Variants in ILRUN observed in about 807,000 individuals in gnomAD.
ILRUN encodes the protein inflammation and lipid regulator with UBA-like and NBR1-like domains.
Under a neutral mutation model 33.8 loss-of-function variants are expected in ILRUN, and 3 were observed. The observed-to-expected ratio is 0.09, with a 90% CI of 0.04 to 0.23. The LOEUF is 0.23. Ranked by LOEUF, ILRUN falls within the 10% of genes least tolerant of loss-of-function variation. The pLI is 1.00. For synonymous variants in ILRUN, 124 were observed against 138.9 expected (o/e 0.89, Z 0.75); for missense variants, 210 against 375.1 (o/e 0.56, Z 3.64).
chr6:34,693,069 C>A (rs1763679499), intron 1 of ILRUN, among the ~76,000 whole-genome samples: 1 of 151,490 alleles, frequency 6.6e-6, no homozygotes, highest in African/African-American at 2.4e-5. Flanking sequence ...CAGAATGAGA[C>A]CCTGTCTCAA....
At position 34,597,633 on chromosome 6, in the gene ILRUN, A is replaced by G. The variant is rs1761428763; in HGVS notation, c.862-7033T>C. ...GGCTAGTGGATTAAGGGAAGACAGTAAGTTGTCTCTCTCCTTCTTGGTTCC... is the reference window on the plus strand; with the variant it reads ...GGCTAGTGGATTAAGGGAAGACAGTGAGTTGTCTCTCTCCTTCTTGGTTCC... On this transcript the variant is annotated intron_variant, in intron 4 of 4. Coordinates refer to ENST00000374023, the MANE Select transcript of ILRUN (RefSeq NM_024294.4). Among the ~76,000 whole-genome samples the G allele has an allele frequency of 2.6e-5, 4 of 152,182 alleles. No homozygotes were observed. In the South Asian group the frequency reaches 8.3e-4, roughly 32 times the overall value.
intron 1 of ILRUN, among the ~76,000 whole-genome samples, chr6:34,668,942 C>G (rs368321369): frequency 6.7e-6 from 1 of 149,922 alleles, no homozygotes; most frequent in South Asian, 2.1e-4. Context: ...CTCCCAAGTT[C>G]AAGTGATTTT....
intron 3 of ILRUN, among the ~76,000 whole-genome samples, chr6:34,607,661 A>T (rs1761663112): frequency 6.6e-6 from 1 of 152,196 alleles, no homozygotes; most frequent in African/African-American, 2.4e-5. Context: ...AAACCTAGAT[A>T]GTAGAGCCTA....
intron 1 of ILRUN, among the ~76,000 whole-genome samples, chr6:34,657,266 G>A (rs1462339742): frequency 1.3e-5 from 2 of 152,118 alleles, no homozygotes; most frequent in Non-Finnish European, 2.9e-5. Context: ...TGTTTTGGAG[G>A]GAAGAAACTA....
At chr6:34,617,025 A>G (rs1218073658) in intron 3 of ILRUN, 1 of 535,922 alleles carries the variant, frequency 1.9e-6, no homozygotes, top group Non-Finnish European at 3.6e-6. Context: ...GCTCTGACAG[A>G]CAACACTTTG....
intron 4 of ILRUN, among the ~76,000 whole-genome samples, chr6:34,604,890 A>T (rs1761592491): frequency 6.6e-6 from 1 of 152,220 alleles, no homozygotes. Context: ...GACCATGTGA[A>T]AGAGGACTCT....
rs548757102 is a variant in ILRUN, at chr6:34,640,089, A to C, written c.511+6512T>G. On this transcript the variant is annotated intron_variant, in intron 3 of 4. Coordinates refer to ENST00000374023, the MANE Select transcript of ILRUN (RefSeq NM_024294.4). ...GATAAAATGTTAGGGCTTGAAAATAAATCTGTCAAAAATCAGATACTTATT... is the reference window on the plus strand; with the variant it reads ...GATAAAATGTTAGGGCTTGAAAATACATCTGTCAAAAATCAGATACTTATT... Among the ~76,000 whole-genome samples, 3 of 152,320 alleles carry C rather than the reference A, an allele frequency of 2.0e-5. No individual in the cohort carries two copies. The East Asian group carries it at 5.8e-4, about 29-fold the overall frequency.
At chr6:34,671,289 C>G (rs1000180333) in intron 1 of ILRUN, among the ~76,000 whole-genome samples, 6 of 151,970 alleles carry the variant, frequency 3.9e-5, no homozygotes, top group Non-Finnish European at 8.8e-5. Context: ...AGGAGGCTGA[C>G]GCGGGGGTAT....
intron 2 of ILRUN, among the ~76,000 whole-genome samples, chr6:34,651,450 T>C (rs764786794): frequency 1.8e-4 from 27 of 152,066 alleles, no homozygotes; most frequent in Admixed American, 3.9e-4. Context: ...AACTACTACA[T>C]ACCAACCTCC....
chr6:34,621,464 A>AC (rs1375872194), intron 3 of ILRUN, among the ~76,000 whole-genome samples: 1 of 152,228 alleles, frequency 6.6e-6, no homozygotes, highest in Non-Finnish European at 1.5e-5. Flanking sequence ...TCAGGCTGTT[A>AC]CCACCTGAAT....
chr6:34,667,753 G>A (rs749124689), intron 1 of ILRUN, among the ~76,000 whole-genome samples: 2 of 151,930 alleles, frequency 1.3e-5, no homozygotes, highest in Admixed American at 6.6e-5. Context: ...TTCTAATCAC[G>A]ACTAACCAAC....
At position 34,646,923 on chromosome 6, in the gene ILRUN, A is replaced by G; in HGVS notation, c.314-125T>C. 1.3e-6 allele frequency: 1 copy of G among 781,028 alleles called. No individual in the cohort carries two copies. The highest frequency in any genetic ancestry group is 2.1e-6 in the Non-Finnish European group (1 of 477,450). The allele number at this position is 781,028 out of a possible 1,614,324, so 48.4% of individuals were successfully genotyped here. On this transcript the variant is annotated intron_variant, in intron 2 of 4. Coordinates refer to ENST00000374023, the MANE Select transcript of ILRUN (RefSeq NM_024294.4). The surrounding 1 kb of genome is among the most constrained non-coding windows in gnomAD (Gnocchi z 4.9). Reference sequence around the variant, plus strand: ...CATACATACATAAACCTAACCACATATACCTAAGCCATATATTGTCTCACA... The same window carrying G: ...CATACATACATAAACCTAACCACATGTACCTAAGCCATATATTGTCTCACA...
chr6:34,695,161 A>G (rs748652268), intron 1 of ILRUN, among the ~76,000 whole-genome samples: 2 of 152,192 alleles, frequency 1.3e-5, no homozygotes, highest in African/African-American at 2.4e-5. Context: ...GGAGTGGGAT[A>G]AAAAGTAGGC....
intron 1 of ILRUN, among the ~76,000 whole-genome samples, chr6:34,684,650 A>G (rs1237299866): frequency 6.6e-6 from 1 of 152,084 alleles, no homozygotes; most frequent in South Asian, 2.1e-4. Flanking sequence ...GAGTTCAAAG[A>G]AGAGTACACT....
intron 1 of ILRUN, among the ~76,000 whole-genome samples, chr6:34,693,817 T>C (rs1763700021): frequency 6.6e-6 from 1 of 151,854 alleles, no homozygotes; most frequent in Admixed American, 6.6e-5. Context: ...ATAATCCAAC[T>C]ATATTTTTAA....
intron 3 of ILRUN, among the ~76,000 whole-genome samples, chr6:34,632,048 T>C (rs975480055): frequency 6.6e-6 from 1 of 152,152 alleles, no homozygotes; most frequent in African/African-American, 2.4e-5. Context: ...AAAAAGTAGG[T>C]TACATAAGAA....
intron 3 of ILRUN, among the ~76,000 whole-genome samples, chr6:34,625,239 T>A (rs1025567820): frequency 1.3e-5 from 2 of 152,308 alleles, no homozygotes; most frequent in Non-Finnish European, 2.9e-5. Context: ...TTTGGTCTTA[T>A]CCAGCTTTAC....
At chr6:34,669,916 C>T (rs1562026138) in intron 1 of ILRUN, among the ~76,000 whole-genome samples, 1 of 145,210 alleles carries the variant, frequency 6.9e-6, no homozygotes, top group African/African-American at 2.5e-5. Context: ...AAAGGCAACT[C>T]TTTTTTTTTT....
chr6:34,632,745 G>A (rs143077781), intron 3 of ILRUN, among the ~76,000 whole-genome samples: 275 of 150,918 alleles, frequency 1.8e-3, no homozygotes, highest in African/African-American at 6.1e-3. Flanking sequence ...GGATGGTCTC[G>A]ATCTCCTGAC....
Sources: gnomAD v4.1 joint callset for allele counts (sites outside exome capture counted in the v4.1 genomes callset) on GRCh38, gnomAD v4.1.1 for gene constraint, Gnocchi (gnomAD v3.1) non-coding constraint, MANE v1.5 for transcripts, NCBI Gene and HGNC (gene_info 2026-07-23, HGNC 2026-07-21) for gene names.